Variants in ATG7 observed in about 807,000 individuals in gnomAD.
The protein encoded by ATG7 is ubiquitin-like modifier-activating enzyme ATG7.
In ATG7, 70 loss-of-function variants were observed where a neutral mutation model predicts 82.4. The observed-to-expected ratio is 0.85, with a 90% CI of 0.70 to 1.04. The LOEUF is 1.04. Among genes scored for constraint, ATG7 ranks in the 50% least tolerant of loss-of-function variants. ATG7 has a pLI of 0.00. For missense variants in ATG7, 792 were observed against 864.3 expected, an observed-to-expected ratio of 0.92 and a Z score of 1.05; for synonymous variants, 287 against 313.0, an observed-to-expected ratio of 0.92 and a Z score of 0.88.
At chr3:11,385,816 A>T (rs1247179871) in intron 19 of ATG7, among the ~76,000 whole-genome samples, 2 of 152,216 alleles carry the variant, frequency 1.3e-5, no homozygotes, top group Non-Finnish European at 2.9e-5. Context: ...AAAACATGGC[A>T]GTTATGAAGT....
intron 3 of ATG7, among the ~76,000 whole-genome samples, chr3:11,298,038 G>A (rs183717675): frequency 5.9e-5 from 9 of 152,288 alleles, no homozygotes; most frequent in Non-Finnish European, 1.2e-4. Flanking sequence ...AATTAGCTGG[G>A]CGTGGTGGCA....
At chr3:11,449,575 G>A (rs1239815173) in intron 20 of ATG7, among the ~76,000 whole-genome samples, 7 of 152,164 alleles carry the variant, frequency 4.6e-5, no homozygotes, top group Admixed American at 3.9e-4. Flanking sequence ...ATTCTAGAGA[G>A]AATGATTTTC....
the ATG7 span, among the ~76,000 whole-genome samples, chr3:11,570,879 T>C: frequency 6.6e-6 from 1 of 152,042 alleles, no homozygotes; most frequent in Non-Finnish European, 1.5e-5. Context: ...GTGGCTTCTC[T>C]CCCCTTGTGA....
intron 5 of ATG7, among the ~76,000 whole-genome samples, chr3:11,304,010 G>GA (rs2152701433): frequency 6.6e-6 from 1 of 151,920 alleles, no homozygotes; most frequent in East Asian, 1.9e-4. Flanking sequence ...AGAAAGGCGT[G>GA]AACCTGGGAG....
intron 20 of ATG7, among the ~76,000 whole-genome samples, chr3:11,441,204 A>T (rs2083917558): frequency 6.6e-6 from 1 of 152,108 alleles, no homozygotes; most frequent in Admixed American, 6.5e-5. Flanking sequence ...ATTTTACCCA[A>T]TGCTTTATTA....
intron 20 of ATG7, among the ~76,000 whole-genome samples, chr3:11,525,831 G>A (rs2092565855): frequency 6.6e-6 from 1 of 152,092 alleles, no homozygotes. Flanking sequence ...TGGGATTACA[G>A]GTGTGAGCCA....
intron 19 of ATG7, among the ~76,000 whole-genome samples, chr3:11,388,483 C>T (rs949953858): frequency 1.5e-4 from 22 of 150,514 alleles, no homozygotes; most frequent in African/African-American, 5.1e-4. Flanking sequence ...GGCTGGAGTG[C>T]AGTGGCGCTA....
chr3:11,467,706 A>G (rs1157535415), intron 20 of ATG7, among the ~76,000 whole-genome samples: 1 of 151,928 alleles, frequency 6.6e-6, no homozygotes, highest in Non-Finnish European at 1.5e-5. Flanking sequence ...CCTGTTTCCT[A>G]TGTGGGACTT....
intron 17 of ATG7, chr3:11,363,145 G>A (rs113702829): frequency 2.0e-5 from 10 of 501,542 alleles, no homozygotes; most frequent in African/African-American, 1.2e-4. Flanking sequence ...TCCGGACAAA[G>A]TCACTATGGT....
rs142255121 is a variant in ATG7, at chr3:11,337,539, A to G, written c.890-3106A>G. On this transcript the variant is annotated intron_variant, in intron 11 of 20. Coordinates refer to ENST00000693202, the MANE Select transcript of ATG7 (RefSeq NM_001349232.2). ...GGTGTATGTCTTATAGGTATAGATT[A>G]TATGGATGCAGGTATGGTAAATTAC... Among the ~76,000 whole-genome samples the G allele has an allele frequency of 1.6e-4, 24 of 152,198 alleles. No homozygotes were observed. In the East Asian group the frequency reaches 2.7e-3, roughly 17 times the overall value.
At chr3:11,284,163 A>C (rs1453483773) in intron 3 of ATG7, among the ~76,000 whole-genome samples, 1 of 152,102 alleles carries the variant, frequency 6.6e-6, no homozygotes, top group East Asian at 1.9e-4. Flanking sequence ...AAAGTGAATT[A>C]CTTCTTCATT....
chr3:11,377,766 C>T (rs1169959758), intron 18 of ATG7, among the ~76,000 whole-genome samples: 2 of 152,138 alleles, frequency 1.3e-5, no homozygotes, highest in Non-Finnish European at 2.9e-5. Context: ...ATAGAGGAGA[C>T]TCACTGTGAG....
chr3:11,514,697 C>G (rs1158326339), intron 20 of ATG7, among the ~76,000 whole-genome samples: 1 of 152,226 alleles, frequency 6.6e-6, no homozygotes, highest in Non-Finnish European at 1.5e-5. Flanking sequence ...AGCATACTTA[C>G]ATAGCTCCAC....
intron 19 of ATG7, among the ~76,000 whole-genome samples, chr3:11,387,527 A>G (rs1361862681): frequency 2.6e-5 from 4 of 152,180 alleles, no homozygotes; most frequent in Non-Finnish European, 5.9e-5. Context: ...TGGCCCAAGC[A>G]TAGTCTTCAG....
chr3:11,337,229 C>T (rs1247102522), intron 11 of ATG7, among the ~76,000 whole-genome samples: 4 of 152,056 alleles, frequency 2.6e-5, no homozygotes, highest in Non-Finnish European at 5.9e-5. Flanking sequence ...CCAAGGCAGG[C>T]GGATCATGAG....
In ATG7 at chr3:11,313,328, T is replaced by C; in HGVS notation, c.436T>C (p.Tyr146His). 1 of 1,610,790 alleles carries C rather than the reference T, an allele frequency of 6.2e-7. No individual in the cohort carries two copies. The highest frequency in any genetic ancestry group is 8.5e-7 in the Non-Finnish European group (1 of 1,177,910). Residue 146 changes from tyrosine to histidine, a missense_variant, in exon 8 of 21, where the codon TAT becomes CAT. Coordinates refer to ENST00000693202, the MANE Select transcript of ATG7 (RefSeq NM_001349232.2). The part of the protein sequence containing the change: ...FADLKKYHFY[Y>H]WFCYPALCLP... ...GGATCTAAAGAAGTACCACTTCTAC[T>C]ATTGGTTTTGCTATCCTGCCCTCTG...
At chr3:11,355,539 A>C (rs1045617449) in intron 14 of ATG7, among the ~76,000 whole-genome samples, 1 of 152,212 alleles carries the variant, frequency 6.6e-6, no homozygotes, top group African/African-American at 2.4e-5. Context: ...ACTTGTTTTT[A>C]AGGGGGAAAA....
intron 20 of ATG7, among the ~76,000 whole-genome samples, chr3:11,532,780 T>A (rs2092717160): frequency 6.6e-6 from 1 of 152,158 alleles, no homozygotes; most frequent in Non-Finnish European, 1.5e-5. Flanking sequence ...TAACACCATC[T>A]CCCCTTGTGG....
chr3:11,314,095 C>A (rs1415491947), intron 8 of ATG7, among the ~76,000 whole-genome samples: 1 of 152,096 alleles, frequency 6.6e-6, no homozygotes, highest in African/African-American at 2.4e-5. Flanking sequence ...TGAAACAAAA[C>A]AGAAGGCATT....
Sources: gnomAD v4.1 joint callset for allele counts (sites outside exome capture counted in the v4.1 genomes callset) on GRCh38, gnomAD v4.1.1 for gene constraint, MANE v1.5 for transcripts, NCBI Gene and HGNC (gene_info 2026-07-23, HGNC 2026-07-21) for gene names.